EML1: variants seen among roughly 807,000 people sequenced by gnomAD.
The protein encoded by EML1 is echinoderm microtubule-associated protein-like 1.
EML1 carries 27 observed loss-of-function variants against 110.4 expected under a neutral mutation model. The ratio of observed to expected loss-of-function variants is 0.24; its 90% CI spans 0.18 to 0.34. EML1 has a LOEUF of 0.34. Ranked by LOEUF, EML1 falls within the 10% of genes least tolerant of loss-of-function variation. EML1 has a pLI of 1.00. For missense variants in EML1, 741 were observed against 1,030.9 expected (o/e 0.72, Z 3.85); for synonymous variants, 344 against 385.8 (o/e 0.89, Z 1.27).
At chr14:99,897,959 G>A (rs1343025786) in intron 7 of EML1, among the ~76,000 whole-genome samples, 1 of 152,174 alleles carries the variant, frequency 6.6e-6, no homozygotes, top group East Asian at 1.9e-4. Context: ...GTAGACTAAT[G>A]TAGTGGTTCT....
rs950593647 is a variant in EML1 at position 99,784,998 on chromosome 14, C to G, written c.-27+10985C>G. 1.4e-4 allele frequency among the ~76,000 whole-genome samples: 21 copies of G among 152,174 alleles called. No individual in the cohort carries two copies. Among genetic ancestry groups the G allele is most frequent in the African/African-American group, 5.1e-4 (21 of 41,442 alleles). On this transcript the variant is annotated intron_variant, in intron 1 of 22. Coordinates refer to the EML1 transcript ENST00000327921. This position sits in a 1 kb window ranked among gnomAD's most constrained non-coding sequence, Gnocchi z 4.5. ...AGAACTAGAGGAGCCATGAAGGACC[C>G]TGAAAGCCAGTCTGCATGGTTAGGA...
At chr14:99,748,550 C>G (rs1429713012) in intron 1 of EML1, among the ~76,000 whole-genome samples, 1 of 152,034 alleles carries the variant, frequency 6.6e-6, no homozygotes, top group Non-Finnish European at 1.5e-5. Flanking sequence ...AGGAGGATCC[C>G]TTGAGTCCAG....
In EML1 at chr14:99,801,666, A is replaced by C. The variant is rs113951377; in HGVS notation, c.67+8123A>C. Among the ~76,000 whole-genome samples, 460 of 151,380 alleles carry C rather than the reference A, an allele frequency of 3.0e-3. 2 individuals are homozygous for C. Among genetic ancestry groups the C allele is most frequent in the African/African-American group, 0.011 (447 of 41,314 alleles). On this transcript the variant is annotated intron_variant, in intron 1 of 21. Coordinates refer to ENST00000262233, the MANE Select transcript of EML1 (RefSeq NM_004434.3). ...GTAATCATTTTAGACTCTTCTACCC[A>C]CTGCCCCATATCTCAGTTGGCTCAG... is the stretch of plus-strand genomic sequence containing the variant.
chr14:99,939,450 A>T lies in EML1; in HGVS notation c.2322+123A>T. ...GCTGCCAGCCACAAAGGCAGATGTG[A>T]CTCTGTTCTTTGCGCCCTGAGCACT... On this transcript the variant is annotated intron_variant, in intron 21 of 21. Transcript: ENST00000262233. This position sits in a 1 kb window ranked among gnomAD's most constrained non-coding sequence, Gnocchi z 4.2. The T allele has an allele frequency of 1.4e-6, 2 of 1,468,316 alleles. No homozygotes were observed. Among genetic ancestry groups the T allele is most frequent in the Non-Finnish European group, 9.2e-7 (1 of 1,088,758 alleles). 91.0% of individuals were successfully genotyped at this position (1,468,316 alleles called of 1,614,324 possible). A position where few individuals can be genotyped will look rare whatever the true frequency, so the allele number is the denominator to read the frequency against.
At position 99,781,327 on chromosome 14, in the gene EML1, C is replaced by A. The variant is rs867024502; in HGVS notation, c.-27+7314C>A. 9.2e-5 allele frequency among the ~76,000 whole-genome samples: 14 copies of A among 152,140 alleles called. No individual in the cohort carries two copies. Among genetic ancestry groups the A allele is most frequent in the African/African-American group, 3.1e-4 (13 of 41,412 alleles). Reference sequence around the variant, plus strand: ...CTAGCCCTAAGGCCCTGCCCTTGCTCATGGGGTGTGCCTCCCATGCTGTAT... The same window carrying A: ...CTAGCCCTAAGGCCCTGCCCTTGCTAATGGGGTGTGCCTCCCATGCTGTAT... On this transcript the variant is annotated intron_variant, in intron 1 of 22. Coordinates refer to the EML1 transcript ENST00000327921. The surrounding 1 kb of genome is among the most constrained non-coding windows in gnomAD (Gnocchi z 4.2).
At chr14:99,890,097 A>G (rs569474119) in intron 4 of EML1, among the ~76,000 whole-genome samples, 1 of 152,178 alleles carries the variant, frequency 6.6e-6, no homozygotes, top group African/African-American at 2.4e-5. Context: ...TTGAGGAATA[A>G]TATTAGGAAT....
intron 4 of EML1, among the ~76,000 whole-genome samples, chr14:99,880,679 G>T (rs1329554457): frequency 1.3e-5 from 2 of 152,198 alleles, no homozygotes; most frequent in Admixed American, 1.3e-4. Context: ...GTTCCTGTAG[G>T]CAGCAAGACA....
At chr14:99,878,648 C>T (rs763011227) in intron 4 of EML1, 29 bp downstream of exon 4, 63 of 1,605,844 alleles carry the variant, frequency 3.9e-5, no homozygotes, top group Non-Finnish European at 5.3e-5. Flanking sequence ...TCAGTTCCTG[C>T]TGTTCAGATA....
In EML1 at chr14:99,826,662, G is replaced by C. The variant is rs146627256; in HGVS notation, c.68-24191G>C. On this transcript the variant is annotated intron_variant, in intron 1 of 21. Transcript: ENST00000262233. ...GTTCATTGACTAACGCCACTGCTGT[G>C]TAACACCGTGGTAGGGTCCAATTTT... Among the ~76,000 whole-genome samples, 38 of 151,756 alleles carry C rather than the reference G, an allele frequency of 2.5e-4. No homozygotes were observed. The East Asian group carries it at 4.3e-3, about 17-fold the overall frequency.
intron 1 of EML1, among the ~76,000 whole-genome samples, chr14:99,761,116 T>G (rs1838748491): frequency 6.6e-6 from 1 of 152,136 alleles, no homozygotes; most frequent in South Asian, 2.1e-4. Context: ...GGAGGCACGA[T>G]TTTTATTCCC....
At chr14:99,758,531 C>T (rs561206683) in intron 1 of EML1, among the ~76,000 whole-genome samples, 119 of 152,302 alleles carry the variant, frequency 7.8e-4, no homozygotes, top group Middle Eastern at 3.4e-3. Flanking sequence ...AAGGCAGGCA[C>T]AGTTGGGATC....
intron 1 of EML1, among the ~76,000 whole-genome samples, chr14:99,774,798 A>G (rs771715571): frequency 3.0e-4 from 46 of 152,190 alleles, no homozygotes; most frequent in Non-Finnish European, 5.7e-4. Flanking sequence ...GAAGGAAGGA[A>G]GGGCAGAAGG....
At chr14:99,795,931 A>G (rs1262838110) in intron 1 of EML1, among the ~76,000 whole-genome samples, 2 of 152,210 alleles carry the variant, frequency 1.3e-5, no homozygotes, top group Non-Finnish European at 2.9e-5. Flanking sequence ...AAATAAAGAC[A>G]AGATCAAGAT....
At chr14:99,935,840 G>A (rs2060461171) in intron 17 of EML1, among the ~76,000 whole-genome samples, 189 bp from the exon 18 acceptor site, 1 of 150,592 alleles carries the variant, frequency 6.6e-6, no homozygotes, top group Non-Finnish European at 1.5e-5. Context: ...CATCTGGCCA[G>A]ATGTGTGTTT....
intron 17 of EML1, among the ~76,000 whole-genome samples, chr14:99,931,238 C>T (rs983195643): frequency 6.6e-6 from 1 of 152,214 alleles, no homozygotes; most frequent in Non-Finnish European, 1.5e-5. Context: ...AGACCATCTT[C>T]GCTGCCACCC....
intron 9 of EML1, among the ~76,000 whole-genome samples, chr14:99,902,919 A>C (rs528604435): frequency 6.6e-6 from 1 of 152,354 alleles, no homozygotes; most frequent in Non-Finnish European, 1.5e-5. Context: ...TCTACAATTC[A>C]ATTTGATTCC....
At chr14:99,913,923 C>T (rs1178542829) in intron 13 of EML1, among the ~76,000 whole-genome samples, 7 of 152,130 alleles carry the variant, frequency 4.6e-5, no homozygotes, top group African/African-American at 9.7e-5. Flanking sequence ...CTCCTGACCT[C>T]AGGTGATCCA....
chr14:99,767,734 C>G (rs1333809984), intron 1 of EML1, among the ~76,000 whole-genome samples: 2 of 152,110 alleles, frequency 1.3e-5, no homozygotes, highest in Non-Finnish European at 2.9e-5. Flanking sequence ...ACAAGCCCCC[C>G]CTTATTTCAG....
At chr14:99,916,727 C>T (rs2060039727) in intron 15 of EML1, among the ~76,000 whole-genome samples, 1 of 152,190 alleles carries the variant, frequency 6.6e-6, no homozygotes, top group Admixed American at 6.5e-5. Flanking sequence ...AGCTGTGTTG[C>T]TTCCATCACT....
Sources: gnomAD v4.1 joint callset for allele counts (sites outside exome capture counted in the v4.1 genomes callset) on GRCh38, gnomAD v4.1.1 for gene constraint, Gnocchi (gnomAD v3.1) non-coding constraint, MANE v1.5 for transcripts, NCBI Gene and HGNC (gene_info 2026-07-23, HGNC 2026-07-21) for gene names.